The following GOLGA4 variants were observed in gnomAD, a reference collection of about 807,000 sequenced individuals.
GOLGA4 encodes golgin A4, also known as golgin subfamily A member 4.
GOLGA4 carries 169 observed loss-of-function variants against 265.9 expected under a neutral mutation model. The observed-to-expected ratio is 0.64, with a 90% CI of 0.56 to 0.72. GOLGA4 has a LOEUF of 0.72. Among genes scored for constraint, GOLGA4 ranks in the 30% least tolerant of loss-of-function variants. The probability of loss-of-function intolerance (pLI) is 0.00; values close to 1 mark genes in which losing one functional copy is unlikely to be tolerated. For missense variants in GOLGA4, 2,482 were observed against 2,483.4 expected, an observed-to-expected ratio of 1.00 and a Z score of 0.01; for synonymous variants, 923 against 855.8, an observed-to-expected ratio of 1.08 and a Z score of -1.37.
chr3:37,316,903 C>A (rs1012299401), intron 11 of GOLGA4, among the ~76,000 whole-genome samples: 1 of 151,142 alleles, frequency 6.6e-6, no homozygotes, highest in Non-Finnish European at 1.5e-5. Flanking sequence ...ATCCTGACAT[C>A]GTTTTTAAAA....
chr3:37,335,172 A>AG lies in GOLGA4; in HGVS notation c.6306+8dup. On this transcript the variant is annotated splice_region_variant and intron_variant, in intron 17 of 23. Coordinates refer to ENST00000361924, the MANE Select transcript of GOLGA4 (RefSeq NM_002078.5). ...AGAACCCTGGCAATGATAATGTGAG[A>AG]GGAGTTTGAGTTTGCTGCACATGTT... 1 of 1,457,808 alleles carries AG rather than the reference A, an allele frequency of 6.9e-7. No homozygotes were observed. Among genetic ancestry groups the AG allele is most frequent in the Non-Finnish European group, 9.6e-7 (1 of 1,044,780 alleles). The allele number at this position is 1,457,808 out of a possible 1,614,324, so 90.3% of individuals were successfully genotyped here. A position where few individuals can be genotyped will look rare whatever the true frequency, so the allele number is the denominator to read the frequency against.
chr3:37,304,912 A>G (rs1359687159), intron 10 of GOLGA4, among the ~76,000 whole-genome samples: 1 of 152,074 alleles, frequency 6.6e-6, no homozygotes, highest in African/African-American at 2.4e-5. Context: ...TTTTCTATTA[A>G]TACTGTCAAA....
intron 2 of GOLGA4, among the ~76,000 whole-genome samples, chr3:37,271,597 T>C (rs7651477): frequency 0.5 from 75,405 of 151,946 alleles, 20,864 homozygotes; most frequent in African/African-American, 0.73. Context: ...AGCCTACCCC[T>C]ACACTTCCCT....
At chr3:37,358,927 G>C (rs1290441185) in intron 22 of GOLGA4, among the ~76,000 whole-genome samples, 2 of 152,044 alleles carry the variant, frequency 1.3e-5, no homozygotes, top group African/African-American at 4.8e-5. Flanking sequence ...TCATATTTTT[G>C]ACCCTCATTG....
chr3:37,359,462 C>T (rs1025208000), intron 22 of GOLGA4, among the ~76,000 whole-genome samples: 3 of 152,164 alleles, frequency 2.0e-5, no homozygotes, highest in Admixed American at 2.0e-4. Context: ...CTTTAGAGTG[C>T]TAGCAAAATG....
At chr3:37,245,616 GTAA>G (rs2096717129) in intron 1 of GOLGA4, among the ~76,000 whole-genome samples, 1 of 152,300 alleles carries the variant, frequency 6.6e-6, no homozygotes, top group Non-Finnish European at 1.5e-5. Context: ...GAGGTTTTTA[GTAA>G]TAATAAGCTA....
rs184749968 is a variant in GOLGA4 at position 37,336,040 on chromosome 3, C to A, written c.6306+874C>A. Reference sequence around the variant, plus strand: ...TCAGTTACCAGGTAACAATTTTTTACACCACCAGTTACATGGATGACTTAC... The same window carrying A: ...TCAGTTACCAGGTAACAATTTTTTAAACCACCAGTTACATGGATGACTTAC... On this transcript the variant is annotated intron_variant, in intron 17 of 23. Transcript: ENST00000361924. Among the ~76,000 whole-genome samples the A allele has an allele frequency of 3.3e-5, 5 of 152,298 alleles. No individual in the cohort carries two copies. The East Asian group carries it at 9.7e-4, about 29-fold the overall frequency.
intron 2 of GOLGA4, among the ~76,000 whole-genome samples, chr3:37,277,864 A>G (rs2096823682): frequency 6.6e-6 from 1 of 151,910 alleles, no homozygotes; most frequent in Non-Finnish European, 1.5e-5. Context: ...CCGTAGAAAG[A>G]CCTCAGTACA....
chr3:37,243,612 C>G lies in GOLGA4; in HGVS notation c.62C>G (p.Ala21Gly). ...EEQQQLQQAL[A>G]PAQASSNSST... ...CAGCAGCAGCTCCAGCAGGCGCTGGCTCCTGCTCAGGTACGATGGCCGCCG... is the reference window on the plus strand; with the variant it reads ...CAGCAGCAGCTCCAGCAGGCGCTGGGTCCTGCTCAGGTACGATGGCCGCCG... The change falls in exon 1 of 24, where the codon GCT becomes GGT. Residue 21 changes from alanine to glycine, a missense_variant. Ala to Gly is a moderately conservative substitution (Grantham distance 60). Transcript: ENST00000361924. The G allele has an allele frequency of 3.1e-6, 5 of 1,612,606 alleles. No individual in the cohort carries two copies. Among genetic ancestry groups the G allele is most frequent in the Non-Finnish European group, 4.2e-6 (5 of 1,179,232 alleles).
chr3:37,257,884 CAT>C (rs1175923684), intron 2 of GOLGA4, among the ~76,000 whole-genome samples: 1 of 120,324 alleles, frequency 8.3e-6, no homozygotes, highest in African/African-American at 3.7e-5. Flanking sequence ...GGTGTGTTTT[CAT>C]ATATATACAT....
In GOLGA4 at chr3:37,366,421, G is replaced by A. The variant is rs373024148; in HGVS notation, c.*375G>A. On this transcript the variant is annotated 3_prime_UTR_variant, in exon 24 of 24. Transcript: ENST00000361924. The stretch of plus-strand genomic sequence containing the variant: ...GGCTTACCTTTCCTATTTATTTTTA[G>A]GGTGATTTTTTAAAAAGACTTGTGC... 3.6e-6 allele frequency: 1 copy of A among 275,770 alleles called. No homozygotes were observed. The highest frequency in any genetic ancestry group is 6.7e-6 in the Non-Finnish European group (1 of 149,376). The allele number at this position is 275,770 out of a possible 1,614,324, so 17.1% of individuals were successfully genotyped here.
chr3:37,312,322 C>G (rs918948423), intron 10 of GOLGA4, among the ~76,000 whole-genome samples: 2 of 152,144 alleles, frequency 1.3e-5, no homozygotes, highest in Non-Finnish European at 2.9e-5. Context: ...CTTTACTTGA[C>G]TGATTTTTTT....
intron 5 of GOLGA4, among the ~76,000 whole-genome samples, chr3:37,294,682 G>A (rs574762135): frequency 1.3e-5 from 2 of 152,124 alleles, no homozygotes; most frequent in South Asian, 4.2e-4. Context: ...CACCGCACCC[G>A]GCCTGTCTTA....
rs536882740 is a variant in GOLGA4 at position 37,243,790 on chromosome 3, G to C, written c.72+168G>C. Reference sequence around the variant, plus strand: ...GAGCTCCGGGCGGTGCAGGTCGTCCGTAACTCCTGACCTGGATTTTCCCAT... The same window carrying C: ...GAGCTCCGGGCGGTGCAGGTCGTCCCTAACTCCTGACCTGGATTTTCCCAT... On this transcript the variant is annotated intron_variant, in intron 1 of 23. Transcript: ENST00000361924. The C allele has an allele frequency of 6.2e-4, 375 of 604,014 alleles. 1 individual carries two copies. In the East Asian group the frequency reaches 9.2e-3, roughly 15 times the overall value. The allele number at this position is 604,014 out of a possible 1,614,324, so 37.4% of individuals were successfully genotyped here.
At position 37,298,930 on chromosome 3, in the gene GOLGA4, A is replaced by G. The variant is rs747016428; in HGVS notation, c.912A>G (p.Ser304=). 1.2e-6 allele frequency: 2 copies of G among 1,613,122 alleles called. No homozygotes were observed. Among genetic ancestry groups the G allele is most frequent in the Non-Finnish European group, 1.7e-6 (2 of 1,179,104 alleles). The change falls in exon 8 of 24, where the codon TCA becomes TCG. Residue 304 remains serine, a synonymous_variant. Coordinates refer to ENST00000361924, the MANE Select transcript of GOLGA4 (RefSeq NM_002078.5). ...LLKRCKETIQ[S]HKEQCTLLTS... ...AGCGTTGTAAGGAAACAATTCAGTC[A>G]CATAAGGAACAATGTACACTATTAA...
At chr3:37,301,360 C>A (rs1041685488) in intron 9 of GOLGA4, among the ~76,000 whole-genome samples, 4 of 152,090 alleles carry the variant, frequency 2.6e-5, no homozygotes, top group Non-Finnish European at 4.4e-5. Flanking sequence ...GTGGTGGTAC[C>A]AGAGACAGTC....
chr3:37,333,828 AAG>A (rs2096999939), intron 16 of GOLGA4, among the ~76,000 whole-genome samples: 1 of 152,226 alleles, frequency 6.6e-6, no homozygotes. Flanking sequence ...AATTAAGTCT[AAG>A]AAAATTTCAT....
Position 37,340,171 on chromosome 3 carries a change from T to C in GOLGA4, c.6444T>C (p.Tyr2148=). The C allele has an allele frequency of 7.0e-7, 1 of 1,430,588 alleles. No individual in the cohort carries two copies. The highest frequency in any genetic ancestry group is 9.7e-7 in the Non-Finnish European group (1 of 1,029,084). 88.6% of individuals were successfully genotyped at this position (1,430,588 alleles called of 1,614,324 possible). ...TGAAGAAATATGAAAAGAATGTATA[T>C]GCAACAACTGTGGGGACACCTTACA... ...DRLKKYEKNV[Y]ATTVGTPYKG... is the part of the protein sequence containing the mutation. The change falls in exon 20 of 24, where the codon TAT becomes TAC. Residue 2148 remains tyrosine, a synonymous_variant. Coordinates refer to ENST00000361924, the MANE Select transcript of GOLGA4 (RefSeq NM_002078.5).
intron 2 of GOLGA4, among the ~76,000 whole-genome samples, chr3:37,262,672 G>A (rs1229800143): frequency 2.0e-5 from 3 of 152,072 alleles, no homozygotes; most frequent in South Asian, 2.1e-4. Context: ...GGAGGCGGAG[G>A]CAGGTGGATT....
Sources: gnomAD v4.1 joint callset for allele counts (sites outside exome capture counted in the v4.1 genomes callset) on GRCh38, gnomAD v4.1.1 for gene constraint, MANE v1.5 for transcripts, NCBI Gene and HGNC (gene_info 2026-07-23, HGNC 2026-07-21) for gene names.